RSRC1: variants seen among roughly 807,000 people sequenced by gnomAD.
RSRC1 encodes arginine and serine rich coiled-coil 1.
Under a neutral mutation model 49.1 loss-of-function variants are expected in RSRC1, and 39 were observed. The ratio of observed to expected loss-of-function variants is 0.79; its 90% CI spans 0.61 to 1.04. RSRC1 has a LOEUF of 1.04. RSRC1 is among the 50% of genes least tolerant of loss of function. The probability of loss-of-function intolerance (pLI) is 0.00; values close to 1 mark genes in which losing one functional copy is unlikely to be tolerated. For synonymous variants in RSRC1, 143 were observed against 130.8 expected (o/e 1.09, Z -0.63); for missense variants, 388 against 402.4 (o/e 0.96, Z 0.31).
At chr3:158,494,976 A>T (rs1286890207) in intron 7 of RSRC1, among the ~76,000 whole-genome samples, 1 of 152,226 alleles carries the variant, frequency 6.6e-6, no homozygotes, top group Non-Finnish European at 1.5e-5. Context: ...GTCATTTATC[A>T]GCAAGTATTA....
intron 3 of RSRC1, among the ~76,000 whole-genome samples, chr3:158,156,235 C>CT: frequency 6.6e-6 from 1 of 152,196 alleles, no homozygotes; most frequent in East Asian, 1.9e-4. Context: ...GAACTAACCT[C>CT]TGCTAGCTTC....
At chr3:158,383,107 A>T (rs1732788497) in intron 6 of RSRC1, among the ~76,000 whole-genome samples, 1 of 152,186 alleles carries the variant, frequency 6.6e-6, no homozygotes, top group South Asian at 2.1e-4. Flanking sequence ...TAAATAATGG[A>T]CAAAAGAGCT....
At chr3:158,310,513 A>G (rs536463313) in intron 5 of RSRC1, among the ~76,000 whole-genome samples, 1 of 151,966 alleles carries the variant, frequency 6.6e-6, no homozygotes, top group Non-Finnish European at 1.5e-5. Flanking sequence ...AATCTTGATT[A>G]CATAGCTTTT....
intron 6 of RSRC1, among the ~76,000 whole-genome samples, chr3:158,406,154 C>G (rs888820994): frequency 2.0e-5 from 3 of 151,940 alleles, no homozygotes; most frequent in African/African-American, 7.2e-5. Context: ...ATATTATTGC[C>G]TATTTGAAAA....
At chr3:158,137,624 C>T (rs1388556897) in intron 3 of RSRC1, among the ~76,000 whole-genome samples, 1 of 150,050 alleles carries the variant, frequency 6.7e-6, no homozygotes, top group East Asian at 2.0e-4. Flanking sequence ...ACTCTATTGT[C>T]TAGTGACAAA....
At chr3:158,223,028 TCTTAC>T (rs1722310470) in intron 4 of RSRC1, among the ~76,000 whole-genome samples, 1 of 151,760 alleles carries the variant, frequency 6.6e-6, no homozygotes, top group African/African-American at 2.4e-5. Flanking sequence ...GAGTTTCTGT[TCTTAC>T]CACTCCGCTG....
rs191289038 is a variant in RSRC1, at chr3:158,339,286, G to A, written c.532-15571G>A. 8.4e-3 allele frequency among the ~76,000 whole-genome samples: 1,067 copies of A among 127,040 alleles called. 21 individuals are homozygous for A. Among genetic ancestry groups the A allele is most frequent in the African/African-American group, 0.03 (1,001 of 33,750 alleles). The allele number at this position is 127,040 out of a possible 152,430, so 83.3% of individuals were successfully genotyped here. Reference sequence around the variant, plus strand: ...CGCAGTCCGGCCTGGGCGACAGAGCGAGACTCCGTCTCAAAAAAAAAAAAA... The same window carrying A: ...CGCAGTCCGGCCTGGGCGACAGAGCAAGACTCCGTCTCAAAAAAAAAAAAA... On this transcript the variant is annotated intron_variant, in intron 5 of 9. Coordinates refer to ENST00000611884, the MANE Select transcript of RSRC1 (RefSeq NM_001271838.2).
chr3:158,284,223 CAT>C (rs1451479699), intron 4 of RSRC1, among the ~76,000 whole-genome samples: 1 of 151,826 alleles, frequency 6.6e-6, no homozygotes, highest in African/African-American at 2.4e-5. Flanking sequence ...GACATGAACT[CAT>C]CATTTTTTAT....
At chr3:158,129,030 A>G (rs1221424827) in intron 3 of RSRC1, among the ~76,000 whole-genome samples, 1 of 152,172 alleles carries the variant, frequency 6.6e-6, no homozygotes, top group African/African-American at 2.4e-5. Flanking sequence ...TTAAGGTGCC[A>G]GGTTTCGCCT....
At chr3:158,412,756 C>T (rs1270641269) in intron 6 of RSRC1, among the ~76,000 whole-genome samples, 1 of 152,030 alleles carries the variant, frequency 6.6e-6, no homozygotes, top group African/African-American at 2.4e-5. Context: ...AGTTCAAGAC[C>T]AGTCTGGACA....
At chr3:158,325,319 A>G (rs1032844919) in intron 5 of RSRC1, among the ~76,000 whole-genome samples, 4 of 152,170 alleles carry the variant, frequency 2.6e-5, no homozygotes, top group Non-Finnish European at 5.9e-5. Flanking sequence ...TAAGTCCTGA[A>G]TAGTATTGCC....
At chr3:158,332,419 A>G (rs572816551) in intron 5 of RSRC1, among the ~76,000 whole-genome samples, 1 of 123,872 alleles carries the variant, frequency 8.1e-6, no homozygotes, top group African/African-American at 3.3e-5. Context: ...TTTATTCATT[A>G]TAAGTTTCAC....
intron 6 of RSRC1, among the ~76,000 whole-genome samples, chr3:158,447,741 A>G (rs548930857): frequency 2.1e-4 from 32 of 152,066 alleles, no homozygotes; most frequent in Middle Eastern, 6.8e-3. Context: ...AACACATGAT[A>G]TAAATAAAAA....
intron 6 of RSRC1, among the ~76,000 whole-genome samples, chr3:158,422,825 A>G (rs1735158237): frequency 6.7e-6 from 1 of 149,534 alleles, no homozygotes; most frequent in African/African-American, 2.5e-5. Context: ...TCTGATGGCC[A>G]GTGATGGTGA....
intron 4 of RSRC1, among the ~76,000 whole-genome samples, chr3:158,223,761 C>G (rs766845844): frequency 2.2e-4 from 33 of 151,668 alleles, no homozygotes; most frequent in Non-Finnish European, 3.1e-4. Flanking sequence ...GGCTCATGCA[C>G]TCCAGTTTAT....
At position 158,473,907 on chromosome 3, in the gene RSRC1, C is replaced by T. The variant is rs143576603; in HGVS notation, c.652+12904C>T. 2.2e-4 allele frequency among the ~76,000 whole-genome samples: 33 copies of T among 151,972 alleles called. No individual in the cohort carries two copies. In the East Asian group the frequency reaches 3.7e-3, roughly 17 times the overall value. On this transcript the variant is annotated intron_variant, in intron 7 of 9. Coordinates refer to ENST00000611884, the MANE Select transcript of RSRC1 (RefSeq NM_001271838.2). The stretch of plus-strand genomic sequence containing the variant: ...TATAGATCATTTCCTTACAAGTGAC[C>T]GTGAGCTTCTAGAGGACATTAAGTA...
At chr3:158,525,252 T>C (rs1316213065) in intron 7 of RSRC1, among the ~76,000 whole-genome samples, 1 of 151,814 alleles carries the variant, frequency 6.6e-6, no homozygotes, top group Non-Finnish European at 1.5e-5. Flanking sequence ...AAGAAAAGAT[T>C]TCAACAGATC....
At chr3:158,158,716 G>T (rs975733820) in intron 3 of RSRC1, among the ~76,000 whole-genome samples, 1 of 152,036 alleles carries the variant, frequency 6.6e-6, no homozygotes, top group African/African-American at 2.4e-5. Flanking sequence ...GAGGCAGGTG[G>T]ATCACTTGAG....
At chr3:158,456,732 A>C (rs1226622511) in intron 6 of RSRC1, among the ~76,000 whole-genome samples, 1 of 152,182 alleles carries the variant, frequency 6.6e-6, no homozygotes, top group Non-Finnish European at 1.5e-5. Flanking sequence ...AAGGTATAGC[A>C]ATTCAAACAA....
Sources: gnomAD v4.1 joint callset for allele counts (sites outside exome capture counted in the v4.1 genomes callset) on GRCh38, gnomAD v4.1.1 for gene constraint, MANE v1.5 for transcripts, NCBI Gene and HGNC (gene_info 2026-07-23, HGNC 2026-07-21) for gene names.